The following MDFIC variants were observed in gnomAD, a reference collection of about 807,000 sequenced individuals.
The protein encoded by MDFIC is MyoD family inhibitor domain containing.
Under a neutral mutation model 23.2 loss-of-function variants are expected in MDFIC, and 17 were observed. The observed-to-expected ratio is 0.73, with a 90% confidence interval of 0.50 to 1.10. MDFIC has a LOEUF of 1.10. Among genes scored for constraint, MDFIC ranks in the 50% least tolerant of loss-of-function variants. The pLI, the probability that MDFIC is intolerant of heterozygous loss-of-function variation, is 0.00. For missense variants in MDFIC, 356 were observed against 316.6 expected (o/e 1.12, Z -0.95); for synonymous variants, 120 against 115.2 (o/e 1.04, Z -0.27).
intron 4 of MDFIC, 141 bp downstream of exon 4, chr7:114,979,922 T>C: frequency 9.7e-7 from 1 of 1,035,618 alleles, no homozygotes; most frequent in Non-Finnish European, 1.5e-6. Flanking sequence ...GCAGATTAAC[T>C]TTCCCAAAGG....
In MDFIC at chr7:115,014,896, A is replaced by C. The variant is rs561872984; in HGVS notation, c.494-792A>C. Among the ~76,000 whole-genome samples, 4 of 152,320 alleles carry C rather than the reference A, an allele frequency of 2.6e-5. No homozygotes were observed. In the East Asian group the frequency reaches 7.7e-4, roughly 29 times the overall value. ...TAAATCAGTTTTTGAAGTTTAATGA[A>C]CATTGTTGTTTAGAGAGGCATTACA... On this transcript the variant is annotated intron_variant, in intron 4 of 4. Transcript: ENST00000393486.
chr7:114,961,147 C>G (rs771664789), intron 3 of MDFIC, among the ~76,000 whole-genome samples: 14 of 152,138 alleles, frequency 9.2e-5, no homozygotes, highest in Non-Finnish European at 1.5e-4. Context: ...ATACTAAACA[C>G]CGGGTGCTCA....
intron 3 of MDFIC, among the ~76,000 whole-genome samples, chr7:114,972,666 T>C (rs1298412776): frequency 1.3e-5 from 2 of 152,202 alleles, no homozygotes; most frequent in Non-Finnish European, 2.9e-5. Context: ...TCTCCGTCTG[T>C]CACTCAGGCT....
At chr7:114,948,500 C>T (rs572636298) in intron 3 of MDFIC, among the ~76,000 whole-genome samples, 2 of 152,116 alleles carry the variant, frequency 1.3e-5, no homozygotes, top group East Asian at 1.9e-4. Flanking sequence ...AAAAAAAATT[C>T]GAGACGACCT....
chr7:114,982,606 G>A (rs904753798), intron 4 of MDFIC, among the ~76,000 whole-genome samples: 9 of 152,066 alleles, frequency 5.9e-5, no homozygotes, highest in Admixed American at 1.3e-4. Flanking sequence ...GAGGTGGGAG[G>A]ACCATCTGAG....
chr7:114,935,814 G>T (rs191105618), intron 2 of MDFIC, among the ~76,000 whole-genome samples: 1 of 152,088 alleles, frequency 6.6e-6, no homozygotes, highest in Non-Finnish European at 1.5e-5. Context: ...GCTACTCAGA[G>T]GAAACAATAC....
At chr7:114,961,047 G>A (rs557092368) in intron 3 of MDFIC, among the ~76,000 whole-genome samples, 3 of 152,294 alleles carry the variant, frequency 2.0e-5, no homozygotes, top group East Asian at 1.9e-4. Flanking sequence ...CTGAGAAGAA[G>A]AGTGTGCAAG....
At chr7:114,940,514 T>C (rs1792517737) in intron 2 of MDFIC, among the ~76,000 whole-genome samples, 1 of 152,210 alleles carries the variant, frequency 6.6e-6, no homozygotes, top group Non-Finnish European at 1.5e-5. Context: ...TTGTACGGAC[T>C]CTTCTTGGTA....
At chr7:114,974,300 TA>T (rs1473292086) in intron 3 of MDFIC, among the ~76,000 whole-genome samples, 6 of 156 alleles carry the variant, frequency 0.038, no homozygotes, top group African/African-American at 0.065. Flanking sequence ...ATGCATATTA[TA>T]TATATATATA....
At position 114,922,633 on chromosome 7, in the gene MDFIC, G is replaced by A. The variant is rs1268452548; in HGVS notation, c.-111G>A. On this transcript the variant is annotated 5_prime_UTR_variant, in exon 1 of 5. Transcript: ENST00000393486. ...GCTTGGAGCGACTACGGGGGGATGC[G>A]GAGGTAGGTAGTGGTCTCCGGGCGG... is the stretch of plus-strand genomic sequence containing the variant. 72 of 1,281,674 alleles carry A rather than the reference G, an allele frequency of 5.6e-5. No individual in the cohort carries two copies. The highest frequency in any genetic ancestry group is 9.1e-5 in the South Asian group (3 of 32,916). 79.4% of individuals were successfully genotyped at this position (1,281,674 alleles called of 1,614,324 possible).
At chr7:114,948,802 A>G (rs1246208867) in intron 3 of MDFIC, among the ~76,000 whole-genome samples, 1 of 152,154 alleles carries the variant, frequency 6.6e-6, no homozygotes, top group African/African-American at 2.4e-5. Flanking sequence ...GTTCTCTGGA[A>G]TTGTAAATTG....
chr7:115,012,298 G>A (rs578165946), intron 4 of MDFIC, among the ~76,000 whole-genome samples: 3 of 152,094 alleles, frequency 2.0e-5, no homozygotes, highest in Non-Finnish European at 4.4e-5. Context: ...TCAAAGAAGA[G>A]AAAACATGAA....
At chr7:114,946,466 C>T (rs1792647467) in intron 3 of MDFIC, among the ~76,000 whole-genome samples, 2 of 152,120 alleles carry the variant, frequency 1.3e-5, no homozygotes, top group South Asian at 4.1e-4. Flanking sequence ...TAAACGTCTG[C>T]TAATTCTAAA....
rs1407688730 is a variant in MDFIC at position 115,015,867 on chromosome 7, G to A, written c.673G>A (p.Ala225Thr). The change falls in exon 5 of 5, where the codon GCC becomes ACC. Residue 225 changes from alanine to threonine, a missense_variant. Transcript: ENST00000393486. Reference sequence around the variant, plus strand: ...TGATATGGACTGTGGCATCATGGATGCCTGTTGTGAATCATCAGACTGCTT... The same window carrying A: ...TGATATGGACTGTGGCATCATGGATACCTGTTGTGAATCATCAGACTGCTT... ...PCDMDCGIMD[A>T]CCESSDCLEI... 3 of 1,614,080 alleles carry A rather than the reference G, an allele frequency of 1.9e-6. No individual in the cohort carries two copies. Among genetic ancestry groups the A allele is most frequent in the Non-Finnish European group, 2.5e-6 (3 of 1,180,030 alleles).
chr7:114,928,574 G>A lies in MDFIC; in HGVS notation c.94+5447G>A, dbSNP rs564739400. Among the ~76,000 whole-genome samples, 15 of 152,250 alleles carry A rather than the reference G, an allele frequency of 9.9e-5. No individual in the cohort carries two copies. In the South Asian group the frequency reaches 3.1e-3, roughly 32 times the overall value. ...GGGGGAGATGATTACAGAATATTGG[G>A]TACTTCACCAAGACCATTGTTGGGG... On this transcript the variant is annotated intron_variant, in intron 2 of 4. Transcript: ENST00000393486.
intron 4 of MDFIC, among the ~76,000 whole-genome samples, chr7:115,000,970 G>A (rs926814959): frequency 1.3e-5 from 2 of 152,146 alleles, no homozygotes; most frequent in Non-Finnish European, 2.9e-5. Context: ...ATGCAACATA[G>A]TGTGGCCTCA....
In MDFIC at chr7:114,942,374, C is replaced by A; in HGVS notation, c.194C>A (p.Pro65His). 6.2e-7 allele frequency: 1 copy of A among 1,601,734 alleles called. No individual in the cohort carries two copies. The highest frequency in any genetic ancestry group is 8.5e-7 in the Non-Finnish European group (1 of 1,174,432). Residue 65 changes from proline to histidine, a missense_variant, in exon 3 of 5, where the codon CCT becomes CAT. Physicochemically the swap from Pro to His is moderately conservative, Grantham distance 77. Transcript: ENST00000393486. ...CAAGACCAGTCCATTTGGGGAAATC[C>A]TTCGGATGGTGAACTCATTAGAAGT... ...EMQDQSIWGN[P>H]SDGELIRTQP...
intron 4 of MDFIC, among the ~76,000 whole-genome samples, chr7:114,999,440 C>G (rs189588837): frequency 4.0e-5 from 6 of 151,876 alleles, no homozygotes; most frequent in Admixed American, 3.9e-4. Context: ...TTTAAAATTA[C>G]ATTCCAAGAT....
At position 114,923,064 on chromosome 7, in the gene MDFIC, G is replaced by C. The variant is rs1256065336; in HGVS notation, c.31G>C (p.Gly11Arg). The C allele has an allele frequency of 3.9e-5, 55 of 1,392,548 alleles. No individual in the cohort carries two copies. Among genetic ancestry groups the C allele is most frequent in the Non-Finnish European group, 4.5e-5 (48 of 1,075,498 alleles). 86.3% of individuals were successfully genotyped at this position (1,392,548 alleles called of 1,614,324 possible). MSGAGEALAP[G>R]PVGPQRVAEA... ...CGGCGCGGGCGAAGCCCTCGCTCCC[G>C]GGCCCGTGGGGCCGCAGCGCGTGGC... is the stretch of plus-strand genomic sequence containing the variant. The change falls in exon 2 of 5, where the codon GGG (glycine) becomes CGG (arginine). Residue 11 changes from glycine (G) to arginine (R), a missense_variant. Transcript: ENST00000393486.
Sources: gnomAD v4.1 joint callset for allele counts (sites outside exome capture counted in the v4.1 genomes callset) on GRCh38, gnomAD v4.1.1 for gene constraint, MANE v1.5 for transcripts, NCBI Gene and HGNC (gene_info 2026-07-23, HGNC 2026-07-21) for gene names.